The following THSD7B variants were observed in gnomAD, a reference collection of about 807,000 sequenced individuals.
THSD7B encodes thrombospondin type 1 domain containing 7B.
In THSD7B, 138 loss-of-function variants were observed where a neutral mutation model predicts 213.6. The observed-to-expected ratio is 0.65, with a 90% confidence interval of 0.56 to 0.74. THSD7B has a LOEUF of 0.74. Among genes scored for constraint, THSD7B ranks in the 30% least tolerant of loss-of-function variants. THSD7B has a pLI of 0.00. For missense variants in THSD7B, 1,931 were observed against 1,991.5 expected, an observed-to-expected ratio of 0.97 and a Z score of 0.58; for synonymous variants, 742 against 687.0, an observed-to-expected ratio of 1.08 and a Z score of -1.25.
chr2:136,926,684 A>C (rs1282028010), intron 2 of THSD7B, among the ~76,000 whole-genome samples: 1 of 133,326 alleles, frequency 7.5e-6, no homozygotes, highest in Non-Finnish European at 1.6e-5. Flanking sequence ...ACAGAACGAG[A>C]CCTTATCTGA....
At chr2:136,877,922 C>CTTT (rs200809492) in intron 1 of THSD7B, among the ~76,000 whole-genome samples, 2 of 150,826 alleles carry the variant, frequency 1.3e-5, no homozygotes, top group African/African-American at 4.9e-5. Flanking sequence ...CATTTCTTTT[C>CTTT]TTGTTTTTTT....
chr2:137,492,145 T>C (rs1242608243), intron 15 of THSD7B, among the ~76,000 whole-genome samples: 1 of 152,158 alleles, frequency 6.6e-6, no homozygotes, highest in African/African-American at 2.4e-5. Flanking sequence ...TAGGTTACAG[T>C]ACTTCAAAGC....
intron 19 of THSD7B, among the ~76,000 whole-genome samples, chr2:137,619,409 A>T (rs1262521242): frequency 3.9e-5 from 6 of 152,202 alleles, no homozygotes; most frequent in Non-Finnish European, 7.3e-5. Flanking sequence ...TGCTCTTTAA[A>T]CCAACAGAGT....
chr2:137,451,995 A>T, intron 15 of THSD7B: 14 of 827,850 alleles, frequency 1.7e-5, no homozygotes, highest in South Asian at 1.1e-4. Flanking sequence ...TGTAAGGAAA[A>T]TCTCATATGT....
intron 1 of THSD7B, among the ~76,000 whole-genome samples, chr2:136,870,560 C>G (rs1683415873): frequency 6.6e-6 from 1 of 152,190 alleles, no homozygotes; most frequent in Non-Finnish European, 1.5e-5. Flanking sequence ...AAACAACAAA[C>G]TAAACATCTA....
intron 10 of THSD7B, among the ~76,000 whole-genome samples, chr2:137,261,785 C>G (rs942483971): frequency 6.6e-6 from 1 of 152,048 alleles, no homozygotes; most frequent in African/African-American, 2.4e-5. Flanking sequence ...TGTTTTACAA[C>G]CACCTCCAAA....
At chr2:137,574,366 T>C (rs1262895353) in intron 17 of THSD7B, among the ~76,000 whole-genome samples, 1 of 152,112 alleles carries the variant, frequency 6.6e-6, no homozygotes, top group African/African-American at 2.4e-5. Context: ...CCTCCTTTCA[T>C]GTGTCAGAAA....
At chr2:137,106,072 A>T (rs753889200) in intron 4 of THSD7B, among the ~76,000 whole-genome samples, 15 of 152,204 alleles carry the variant, frequency 9.9e-5, no homozygotes, top group Middle Eastern at 3.4e-3. Flanking sequence ...AACCAAAAAT[A>T]CCCCATATAG....
chr2:137,496,365 T>A (rs1298622560), intron 15 of THSD7B, among the ~76,000 whole-genome samples: 5 of 152,198 alleles, frequency 3.3e-5, no homozygotes, highest in African/African-American at 1.2e-4. Context: ...CAGCACTTTG[T>A]ACATTTTAAA....
At chr2:137,004,347 A>ACACACACAC (rs1558883730) in intron 2 of THSD7B, among the ~76,000 whole-genome samples, 2 of 138,880 alleles carry the variant, frequency 1.4e-5, no homozygotes, top group African/African-American at 2.8e-5. Flanking sequence ...ACACACACAC[A>ACACACACAC]AACTTATTCC....
chr2:137,604,105 AAATAAT>A (rs887679176), intron 17 of THSD7B, among the ~76,000 whole-genome samples: 1 of 152,096 alleles, frequency 6.6e-6, no homozygotes, highest in Non-Finnish European at 1.5e-5. Context: ...TCTCGAAAAA[AAATAAT>A]AATAATAAAA....
At chr2:137,170,333 G>C (rs544884276) in intron 6 of THSD7B, among the ~76,000 whole-genome samples, 147 of 152,092 alleles carry the variant, frequency 9.7e-4, no homozygotes, top group Non-Finnish European at 8.4e-4. Flanking sequence ...TGCCAGAGAG[G>C]TAATGTATTT....
At chr2:137,175,025 T>A (rs537223294) in intron 7 of THSD7B, among the ~76,000 whole-genome samples, 10 of 152,166 alleles carry the variant, frequency 6.6e-5, no homozygotes, top group Non-Finnish European at 1.5e-4. Flanking sequence ...TGGTGATTGA[T>A]CAAAGTTTAC....
intron 5 of THSD7B, among the ~76,000 whole-genome samples, chr2:137,157,440 G>A (rs1011616811): frequency 1.3e-5 from 2 of 152,174 alleles, no homozygotes; most frequent in East Asian, 3.9e-4. Flanking sequence ...CTGGAGCAAA[G>A]CCGGGGCTGT....
At chr2:136,974,000 C>A (rs1486826115) in intron 2 of THSD7B, among the ~76,000 whole-genome samples, 1 of 152,154 alleles carries the variant, frequency 6.6e-6, no homozygotes, top group Non-Finnish European at 1.5e-5. Context: ...ATGATGATTT[C>A]AATTATGCTC....
At chr2:137,474,150 T>G (rs1257967354) in intron 15 of THSD7B, among the ~76,000 whole-genome samples, 1 of 152,218 alleles carries the variant, frequency 6.6e-6, no homozygotes, top group African/African-American at 2.4e-5. Context: ...TTTGTACATA[T>G]GTTTGACCAT....
At chr2:137,181,771 A>T (rs190355287) in intron 7 of THSD7B, among the ~76,000 whole-genome samples, 1 of 152,258 alleles carries the variant, frequency 6.6e-6, no homozygotes, top group Admixed American at 6.5e-5. Flanking sequence ...TCCCCTCATC[A>T]TCATGGCAAA....
intron 2 of THSD7B, among the ~76,000 whole-genome samples, chr2:136,952,208 C>T (rs373105852): frequency 3.9e-4 from 59 of 151,890 alleles, no homozygotes; most frequent in African/African-American, 1.4e-3. Flanking sequence ...AAGAAGCCAA[C>T]CCCCACCCCC....
chr2:137,364,288 A>G (rs1046903149), intron 12 of THSD7B, among the ~76,000 whole-genome samples: 1 of 152,218 alleles, frequency 6.6e-6, no homozygotes, highest in African/African-American at 2.4e-5. Flanking sequence ...AGCCAATATC[A>G]TACTGAATGG....
Sources: allele counts gnomAD v4.1 joint callset (sites outside exome capture counted in the v4.1 genomes callset), GRCh38; gene constraint gnomAD v4.1.1; transcripts MANE v1.5; gene names NCBI Gene and HGNC (gene_info 2026-07-23, HGNC 2026-07-21).